The following EIF2D variants were observed in gnomAD, a reference collection of about 807,000 sequenced individuals.
EIF2D encodes the protein eukaryotic translation initiation factor 2D.
In EIF2D, 56 loss-of-function variants were observed where a neutral mutation model predicts 77.4. The ratio of observed to expected loss-of-function variants is 0.72; its 90% CI spans 0.58 to 0.90. EIF2D has a LOEUF of 0.90. EIF2D is among the 40% of genes least tolerant of loss of function. The pLI is 0.00. For synonymous variants in EIF2D, 230 were observed against 271.0 expected (o/e 0.85, Z 1.49); for missense variants, 574 against 706.5 (o/e 0.81, Z 2.13).
chr1:206,609,051 C>CA (rs201039918), intron 3 of EIF2D, among the ~76,000 whole-genome samples: 267 of 139,530 alleles, frequency 1.9e-3, no homozygotes, highest in East Asian at 6.3e-3. Flanking sequence ...GACTCCATCT[C>CA]AAAAAAAAAA....
rs782300669 is a variant in EIF2D at position 206,603,141 on chromosome 1, G to C, written c.594C>G (p.Leu198=). ...TCTGGACAGACCCCTTCTCTTCACTGAGATCTGCTGAATCCAGGGCCAGTG... is the reference window on the plus strand; with the variant it reads ...TCTGGACAGACCCCTTCTCTTCACTCAGATCTGCTGAATCCAGGGCCAGTG... ...IAPLALDSAD[L]SEEKGSVQMD... The change falls in exon 6 of 15, where the codon CTC becomes CTG. Residue 198 remains leucine (L), a synonymous_variant. Coordinates refer to ENST00000271764, the MANE Select transcript of EIF2D (RefSeq NM_006893.3). 21 of 1,614,000 alleles carry C rather than the reference G, an allele frequency of 1.3e-5. No homozygotes were observed. In the Admixed American group the frequency reaches 3.2e-4, roughly 24 times the overall value.
At chr1:206,596,019 A>G (rs1457554536) in intron 12 of EIF2D, among the ~76,000 whole-genome samples, 181 bp from the exon 13 acceptor site, 1 of 152,204 alleles carries the variant, frequency 6.6e-6, no homozygotes, top group African/African-American at 2.4e-5. Context: ...TGTATCTCTG[A>G]CTAGGGCTAT....
intron 5 of EIF2D, chr1:206,572,555 A>G (rs1553404389): frequency 6.6e-6 from 1 of 152,002 alleles, no homozygotes; most frequent in African/African-American, 2.4e-5. Context: ...TCCCGAGAAA[A>G]CCCTCAGCCC....
chr1:206,611,456 T>C (rs6685813), intron 1 of EIF2D, 82 bp from the exon 2 acceptor site: 128,082 of 1,192,046 alleles, frequency 0.11, 7,897 homozygotes, highest in African/African-American at 0.15. Flanking sequence ...AAGTGCTCAC[T>C]ATAAAATCAC....
chr1:206,583,063 G>T (rs1421835410), intron 2 of EIF2D: 1 of 512,494 alleles, frequency 2.0e-6, no homozygotes, highest in African/African-American at 1.9e-5. Flanking sequence ...AGAAATCTGA[G>T]TTACTTCTCC....
intron 14 of EIF2D, 109 bp downstream of exon 14, chr1:206,593,510 T>TGTGTGTGTGG: frequency 3.4e-6 from 1 of 294,352 alleles, no homozygotes; most frequent in Non-Finnish European, 6.0e-6. Context: ...AGAGAGAGAG[T>TGTGTGTGTGG]GTGTGTGTGT....
At chr1:206,581,916 G>A (rs1668899731) in intron 2 of EIF2D, among the ~76,000 whole-genome samples, 1 of 152,022 alleles carries the variant, frequency 6.6e-6, no homozygotes, top group African/African-American at 2.4e-5. Context: ...GGGTGGTGAT[G>A]TGACGTCGCG....
rs1381525860 is a variant in EIF2D at position 206,593,492 on chromosome 1, A to C, written c.1684+127T>G. On this transcript the variant is annotated intron_variant, in intron 14 of 14. Transcript: ENST00000271764. ...GAGAGAGAGAGAGAGAGAGAGCGAGAGAGAGAGAGAGAGAGAGTGTGTGTG... is the reference window on the plus strand; with the variant it reads ...GAGAGAGAGAGAGAGAGAGAGCGAGCGAGAGAGAGAGAGAGAGTGTGTGTG... The C allele has an allele frequency of 1.5e-3, 573 of 386,492 alleles. 3 individuals carry two copies. In the African/African-American group the frequency reaches 0.016, roughly 11 times the overall value. The allele number at this position is 386,492 out of a possible 1,614,324, so 23.9% of individuals were successfully genotyped here. A position where few individuals can be genotyped will look rare whatever the true frequency, so the allele number is the denominator to read the frequency against.
At chr1:206,598,047 T>A (rs552128228) in intron 11 of EIF2D, among the ~76,000 whole-genome samples, 6 of 151,592 alleles carry the variant, frequency 4.0e-5, no homozygotes, top group Middle Eastern at 3.4e-3. Flanking sequence ...GAAAAAAAAA[T>A]TTTTTTTTGA....
Position 206,579,718 on chromosome 1 carries a change from G to C in EIF2D, c.*254+974C>G, listed in dbSNP as rs782147580. 1.3e-5 allele frequency among the ~76,000 whole-genome samples: 2 copies of C among 152,192 alleles called. No individual in the cohort carries two copies. Among genetic ancestry groups the C allele is most frequent in the Non-Finnish European group, 2.9e-5 (2 of 68,030 alleles). Reference sequence around the variant, plus strand: ...CAGACCAATTAAATCAGAATCTCCAGGGATGAAGCCCAGGCAGCTAAGTTT... The same window carrying C: ...CAGACCAATTAAATCAGAATCTCCACGGATGAAGCCCAGGCAGCTAAGTTT... On this transcript the variant is annotated intron_variant and NMD_transcript_variant, in intron 4 of 5. Coordinates refer to the EIF2D transcript ENST00000472709. This position sits in a 1 kb window ranked among gnomAD's most constrained non-coding sequence, Gnocchi z 4.2.
chr1:206,583,034 TGAG>T (rs1668954009), intron 2 of EIF2D: 2 of 463,890 alleles, frequency 4.3e-6, no homozygotes, highest in Non-Finnish European at 8.0e-6. Flanking sequence ...ATTTCACAGA[TGAG>T]GAGACTGAGG....
intron 2 of EIF2D, chr1:206,583,186 G>C: frequency 1.1e-6 from 1 of 880,134 alleles, no homozygotes; most frequent in Non-Finnish European, 1.9e-6. Context: ...CTTGGTTAGA[G>C]AGGCTTTGGG....
intron 4 of EIF2D, among the ~76,000 whole-genome samples, chr1:206,577,480 T>A (rs1429601523): frequency 6.6e-6 from 1 of 152,220 alleles, no homozygotes; most frequent in African/African-American, 2.4e-5. Flanking sequence ...TGTGAGACAA[T>A]AAGGGATTTT....
chr1:206,587,815 A>G (rs371799414), downstream of EIF2D: 1 of 152,482 alleles, frequency 6.6e-6, no homozygotes, highest in Non-Finnish European at 1.5e-5. Flanking sequence ...GTCTCCTGCT[A>G]AGTATGGAAA....
At chr1:206,607,959 T>A (rs1424247275) in intron 4 of EIF2D, among the ~76,000 whole-genome samples, 1 of 151,936 alleles carries the variant, frequency 6.6e-6, no homozygotes, top group Non-Finnish European at 1.5e-5. Context: ...TCTTTGCAAC[T>A]CTTCTGTAAA....
chr1:206,581,888 G>T (rs1668896687), intron 2 of EIF2D, among the ~76,000 whole-genome samples: 1 of 152,074 alleles, frequency 6.6e-6, no homozygotes, highest in South Asian at 2.1e-4. Context: ...CGGAGGGGGG[G>T]CCCTGTTGTG....
At chr1:206,609,282 A>T in intron 3 of EIF2D, 94 bp downstream of exon 3, 1 of 1,301,766 alleles carries the variant, frequency 7.7e-7, no homozygotes, top group Non-Finnish European at 1.1e-6. Context: ...TTTTTCAACC[A>T]CAAAAACACA....
rs1669966780 is a variant in EIF2D, at chr1:206,602,362, G to A, written c.876C>T (p.Phe292=). ...KADLPLLTST[F]LGSHMFSCCP... ...AGCAGGAGAACATGTGGCTGCCAAGGAAAGTGCTGGTGAGTAAAGGGAGGT... is the reference window on the plus strand; with the variant it reads ...AGCAGGAGAACATGTGGCTGCCAAGAAAAGTGCTGGTGAGTAAAGGGAGGT... Residue 292 remains phenylalanine (F), a synonymous_variant, in exon 7 of 15, where the codon TTC becomes TTT. Transcript: ENST00000271764. The A allele has an allele frequency of 1.2e-6, 2 of 1,614,092 alleles. No homozygotes were observed. The highest frequency in any genetic ancestry group is 2.2e-5 in the East Asian group (1 of 44,898).
intron 2 of EIF2D, among the ~76,000 whole-genome samples, chr1:206,610,860 C>G (rs975910237): frequency 2.0e-5 from 3 of 152,198 alleles, no homozygotes; most frequent in Non-Finnish European, 2.9e-5. Context: ...TTCAAGACCT[C>G]TGCTCTATTC....
Sources: allele counts gnomAD v4.1 joint callset (sites outside exome capture counted in the v4.1 genomes callset), GRCh38; gene constraint gnomAD v4.1.1; non-coding constraint Gnocchi (gnomAD v3.1); transcripts MANE v1.5; gene names NCBI Gene and HGNC (gene_info 2026-07-23, HGNC 2026-07-21).